Variants in KCNAB1 observed in about 807,000 individuals in gnomAD.
KCNAB1 encodes potassium voltage-gated channel subfamily A regulatory beta subunit 1.
In KCNAB1, 35 loss-of-function variants were observed where a neutral mutation model predicts 64.6. That is an observed-to-expected ratio of 0.54 (90% confidence interval 0.41 to 0.72). KCNAB1 has a LOEUF of 0.72. KCNAB1 is among the 30% of genes least tolerant of loss of function. KCNAB1 has a pLI of 0.00. For synonymous variants in KCNAB1, 177 were observed against 183.8 expected, an observed-to-expected ratio of 0.96 and a Z score of 0.30; for missense variants, 401 against 512.9, an observed-to-expected ratio of 0.78 and a Z score of 2.11.
At chr3:156,304,826 A>G (rs1160185363) in intron 1 of KCNAB1, among the ~76,000 whole-genome samples, 6 of 152,250 alleles carry the variant, frequency 3.9e-5, no homozygotes, top group Non-Finnish European at 4.4e-5. Flanking sequence ...GAATAAAAGC[A>G]TCATCAGGTG....
chr3:156,538,986 C>T (rs925101016), downstream of KCNAB1: 2 of 151,856 alleles, frequency 1.3e-5, no homozygotes, highest in Non-Finnish European at 2.9e-5. Flanking sequence ...TTTTTATATG[C>T]GAATCTGTCA....
chr3:156,132,763 T>C (rs1714079702), intron 1 of KCNAB1, among the ~76,000 whole-genome samples: 5 of 152,240 alleles, frequency 3.3e-5, no homozygotes, highest in Admixed American at 2.6e-4. Flanking sequence ...CACATGTTTT[T>C]CTATAATGTA....
rs1334799548 is a variant in KCNAB1, at chr3:156,453,193, A to G, written c.357+257A>G. ...CAGAGAATGAAACAATTTGGAATTA[A>G]CATTAGTCACTTTATGAAAAGATTG... On this transcript the variant is annotated intron_variant, in intron 3 of 13. Transcript: ENST00000490337. 4 of 328,692 alleles carry G rather than the reference A, an allele frequency of 1.2e-5. No individual in the cohort carries two copies. The Admixed American group carries it at 1.5e-4, about 12-fold the overall frequency. 20.4% of individuals were successfully genotyped at this position (328,692 alleles called of 1,614,324 possible).
At chr3:156,409,067 AGGAAG>A (rs1284385309) in intron 1 of KCNAB1, among the ~76,000 whole-genome samples, 5 of 152,214 alleles carry the variant, frequency 3.3e-5, no homozygotes, top group African/African-American at 1.2e-4. Context: ...GCCACAGTGT[AGGAAG>A]CACCTACTTT....
At chr3:156,516,503 C>A in intron 11 of KCNAB1, 139 bp downstream of exon 11, 1 of 655,014 alleles carries the variant, frequency 1.5e-6, no homozygotes, top group Non-Finnish European at 2.7e-6. Context: ...TGGCAGGTTC[C>A]CCTAAGCCTT....
rs185394364 is a variant in KCNAB1 at position 156,431,426 on chromosome 3, A to G, written c.319+9767A>G. Among the ~76,000 whole-genome samples, 120 of 152,330 alleles carry G rather than the reference A, an allele frequency of 7.9e-4. 1 individual carries two copies. Among genetic ancestry groups the G allele is most frequent in the African/African-American group, 2.7e-3 (111 of 41,582 alleles). On this transcript the variant is annotated intron_variant, in intron 2 of 13. Transcript: ENST00000490337. ...GAGAATCATTTGAATCCTGTCTGCC[A>G]GTGGAGTGGGGCTGTGCTGTGTCTG...
chr3:156,363,693 G>A (rs937444296), intron 1 of KCNAB1, among the ~76,000 whole-genome samples: 9 of 152,120 alleles, frequency 5.9e-5, no homozygotes, highest in African/African-American at 1.9e-4. Context: ...GTCCATGGTG[G>A]TCTTAAACTC....
At chr3:156,388,861 C>G (rs772413462) in intron 1 of KCNAB1, among the ~76,000 whole-genome samples, 14 of 152,208 alleles carry the variant, frequency 9.2e-5, no homozygotes, top group Non-Finnish European at 1.9e-4. Flanking sequence ...TGCACACCAA[C>G]CTCCAGCTTT....
Position 156,209,732 on chromosome 3 carries a change from A to G in KCNAB1, c.275+88846A>G, listed in dbSNP as rs116449542. On this transcript the variant is annotated intron_variant, in intron 1 of 13. Transcript: ENST00000490337. ...GTGTGGGGGCTGACAAACATGCTCA[A>G]TATTGGTGTGTCTGCAAGTCTACTA... Among the ~76,000 whole-genome samples, 575 of 152,338 alleles carry G rather than the reference A, an allele frequency of 3.8e-3. 4 individuals are homozygous for G. The highest frequency in any genetic ancestry group is 0.013 in the African/African-American group (546 of 41,580).
At chr3:156,403,906 C>A (rs374079430) in intron 1 of KCNAB1, among the ~76,000 whole-genome samples, 4,086 of 145,662 alleles carry the variant, frequency 0.028, 108 homozygotes, top group African/African-American at 0.065. Context: ...AAAAAAAAAA[C>A]AAAGGGAGGT....
intron 1 of KCNAB1, among the ~76,000 whole-genome samples, chr3:156,332,476 A>ATATGTATTGGGTAG (rs1576736270): frequency 1.3e-5 from 2 of 152,282 alleles, no homozygotes; most frequent in East Asian, 3.9e-4. Context: ...TCTGTTGTAG[A>ATATGTATTGGGTAG]ATAGTGCTCC....
At chr3:156,131,119 C>T (rs1295992468) in intron 1 of KCNAB1, among the ~76,000 whole-genome samples, 3 of 152,236 alleles carry the variant, frequency 2.0e-5, no homozygotes, top group Admixed American at 6.5e-5. Flanking sequence ...AAATTGTAGA[C>T]TGTGGTTGTC....
At chr3:156,454,128 AC>A (rs1477016869) in intron 3 of KCNAB1, among the ~76,000 whole-genome samples, 2 of 152,194 alleles carry the variant, frequency 1.3e-5, no homozygotes, top group African/African-American at 2.4e-5. Flanking sequence ...GGCACATGTC[AC>A]CTTATAAGGC....
At chr3:156,368,965 T>C (rs533875450) in intron 1 of KCNAB1, among the ~76,000 whole-genome samples, 7 of 152,314 alleles carry the variant, frequency 4.6e-5, no homozygotes, top group African/African-American at 1.7e-4. Flanking sequence ...ATATATAATT[T>C]GTATGTGGTA....
Position 156,503,906 on chromosome 3 carries a change from G to A in KCNAB1, c.659-10458G>A, listed in dbSNP as rs137871468. Among the ~76,000 whole-genome samples the A allele has an allele frequency of 7.0e-3, 1,069 of 152,096 alleles. 16 individuals are homozygous for A. The highest frequency in any genetic ancestry group is 0.025 in the African/African-American group (1,029 of 41,482). ...CAAACATTTATCATTTCTTTGTGTT[G>A]GAAACATTCAAAATACTCTATTCTA... On this transcript the variant is annotated intron_variant, in intron 8 of 13. Coordinates refer to ENST00000490337, the MANE Select transcript of KCNAB1 (RefSeq NM_172160.3).
chr3:156,181,525 G>A (rs1712817555), intron 1 of KCNAB1, among the ~76,000 whole-genome samples: 1 of 152,168 alleles, frequency 6.6e-6, no homozygotes, highest in Non-Finnish European at 1.5e-5. Flanking sequence ...GGATTGGCTG[G>A]AAAGAATACA....
chr3:156,219,453 T>C (rs1216231646), intron 1 of KCNAB1, among the ~76,000 whole-genome samples: 1 of 151,458 alleles, frequency 6.6e-6, no homozygotes, highest in African/African-American at 2.4e-5. Flanking sequence ...TCCGAGAAAT[T>C]TGGACTATGT....
At chr3:156,529,491 T>TAA (rs11445692) in intron 12 of KCNAB1, among the ~76,000 whole-genome samples, 90 of 146,032 alleles carry the variant, frequency 6.2e-4, no homozygotes, top group Admixed American at 1.4e-3. Context: ...TAAAGTTGGT[T>TAA]AAAAAAAAAA....
rs576881402 is a variant in KCNAB1, at chr3:156,344,442, C to T, written c.276-77174C>T. 5.4e-3 allele frequency among the ~76,000 whole-genome samples: 822 copies of T among 152,336 alleles called. 10 individuals are homozygous for T. The highest frequency in any genetic ancestry group is 0.019 in the African/African-American group (787 of 41,576). The stretch of plus-strand genomic sequence containing the variant: ...GGTCTTAGATGCTGCGTACCTCCCT[C>T]TTAACATTCTTGCCATGTGTGCAAC... On this transcript the variant is annotated intron_variant, in intron 1 of 13. Coordinates refer to ENST00000490337, the MANE Select transcript of KCNAB1 (RefSeq NM_172160.3).
Sources: allele counts gnomAD v4.1 joint callset (sites outside exome capture counted in the v4.1 genomes callset), GRCh38; gene constraint gnomAD v4.1.1; transcripts MANE v1.5; gene names NCBI Gene and HGNC (gene_info 2026-07-23, HGNC 2026-07-21).